PBX4: variants seen among roughly 807,000 people sequenced by gnomAD.
The protein encoded by PBX4 is pre-B-cell leukemia transcription factor 4.
A neutral mutation model predicts 35.1 loss-of-function variants in PBX4; 26 were observed. That is an observed-to-expected ratio of 0.74 (90% CI 0.54 to 1.03). The LOEUF (loss-of-function observed/expected upper bound fraction) is 1.03, where lower values mean the gene tolerates loss of function less well. Among genes scored for constraint, PBX4 ranks in the 50% least tolerant of loss-of-function variants. The pLI is 0.00. For missense variants in PBX4, 448 were observed against 504.3 expected (o/e 0.89, Z 1.07); for synonymous variants, 199 against 204.2 (o/e 0.97, Z 0.22).
rs1298774467 is a variant in PBX4, at chr19:19,563,182, T to A, written c.1032+327A>T. Among the ~76,000 whole-genome samples, 1 of 151,980 alleles carries A rather than the reference T, an allele frequency of 6.6e-6. No individual in the cohort carries two copies. Among genetic ancestry groups the A allele is most frequent in the Non-Finnish European group, 1.5e-5 (1 of 67,960 alleles). ...GCCTCCTCTGCTGGCTGCCTGCCCC[T>A]CCCTCTCGAGGGAAGGACACCATGT... On this transcript the variant is annotated intron_variant, in intron 7 of 7. Coordinates refer to ENST00000251203, the MANE Select transcript of PBX4 (RefSeq NM_025245.3). This position sits in a 1 kb window ranked among gnomAD's most constrained non-coding sequence, Gnocchi z 5.1.
chr19:19,609,039 C>A (rs2061647348), intron 1 of PBX4, among the ~76,000 whole-genome samples: 2 of 152,278 alleles, frequency 1.3e-5, no homozygotes, highest in South Asian at 4.1e-4. Context: ...TAAAAGTGTC[C>A]TGTAAAGCCC....
chr19:19,563,419 T>C lies in PBX4; in HGVS notation c.1032+90A>G. On this transcript the variant is annotated intron_variant, in intron 7 of 7. Transcript: ENST00000251203. This position sits in a 1 kb window ranked among gnomAD's most constrained non-coding sequence, Gnocchi z 5.1. ...TGGCTGCTGGGACCTCTGGGGAAGC[T>C]GCCCCAAGGCCGAGGGGTGGCTGAC... 9.4e-7 allele frequency: 1 copy of C among 1,064,990 alleles called. No individual in the cohort carries two copies. Among genetic ancestry groups the C allele is most frequent in the Non-Finnish European group, 1.3e-6 (1 of 746,902 alleles). The allele number at this position is 1,064,990 out of a possible 1,614,324, so 66.0% of individuals were successfully genotyped here.
At chr19:19,566,660 G>C (rs897267111) in intron 5 of PBX4, among the ~76,000 whole-genome samples, 3 of 150,064 alleles carry the variant, frequency 2.0e-5, no homozygotes, top group African/African-American at 7.4e-5. Flanking sequence ...CAGTAGCTGG[G>C]ACTACAGGCA....
chr19:19,569,690 AC>A (rs1352334118), intron 4 of PBX4, 106 bp from the exon 5 acceptor site: 1 of 1,420,928 alleles, frequency 7.0e-7, no homozygotes, highest in East Asian at 2.4e-5. Flanking sequence ...AACAGCAATC[AC>A]TTGAGGTCAG....
Position 19,603,307 on chromosome 19 carries a change from C to T in PBX4, c.120-3942G>A, listed in dbSNP as rs559567210. Among the ~76,000 whole-genome samples the T allele has an allele frequency of 7.2e-5, 11 of 152,018 alleles. No individual in the cohort carries two copies. The South Asian group carries it at 2.3e-3, about 32-fold the overall frequency. On this transcript the variant is annotated intron_variant, in intron 1 of 7. Coordinates refer to ENST00000251203, the MANE Select transcript of PBX4 (RefSeq NM_025245.3). ...AGGGTAAGTCAAAGGGGTTTTTTTT[C>T]TTTTTTTCTTTTTTTTCTTTTTGAG... is the stretch of plus-strand genomic sequence containing the variant.
At position 19,570,130 on chromosome 19, in the gene PBX4, C is replaced by A. The variant is rs372535392; in HGVS notation, c.611G>T (p.Arg204Leu). 1 of 1,608,884 alleles carries A rather than the reference C, an allele frequency of 6.2e-7. No individual in the cohort carries two copies. Among genetic ancestry groups the A allele is most frequent in the Non-Finnish European group, 8.5e-7 (1 of 1,176,950 alleles). Residue 204 changes from arginine to leucine, a missense_variant, in exon 4 of 8, where the codon CGT (arginine) becomes CTT (leucine). By Grantham distance (102) the Arg-to-Leu change is moderately radical. Transcript: ENST00000251203. ...TGACCTGGCATCGAGCAGCCGCGAA[C>A]GCAGGGTCATCACTGCCTCACAGGT... Reference protein sequence around the residue: ...QSTCEAVMTLRSRLLDARRKR... With the variant: ...QSTCEAVMTLLSRLLDARRKR...
chr19:19,595,004 G>A (rs566496801), intron 2 of PBX4, among the ~76,000 whole-genome samples: 39 of 152,314 alleles, frequency 2.6e-4, no homozygotes, highest in Non-Finnish European at 4.6e-4. Context: ...TTACAGGCGT[G>A]AGCCACCGCA....
At chr19:19,576,876 G>A (rs953394364) in intron 2 of PBX4, among the ~76,000 whole-genome samples, 1 of 152,038 alleles carries the variant, frequency 6.6e-6, no homozygotes, top group Non-Finnish European at 1.5e-5. Context: ...GCCTCCCAAA[G>A]TGCTTGGGAT....
intron 1 of PBX4, among the ~76,000 whole-genome samples, chr19:19,613,800 G>C (rs1237190463): frequency 6.6e-6 from 1 of 152,136 alleles, no homozygotes; most frequent in Admixed American, 6.6e-5. Context: ...CATTGATCCT[G>C]GCTCTGGGAA....
At chr19:19,579,702 T>G (rs1356250103) in intron 2 of PBX4, 1 of 152,330 alleles carries the variant, frequency 6.6e-6, no homozygotes, top group African/African-American at 2.4e-5. Flanking sequence ...TGGCTGTCAG[T>G]GGTCACTCCG....
intron 2 of PBX4, among the ~76,000 whole-genome samples, chr19:19,594,360 C>G (rs951569557): frequency 6.2e-4 from 93 of 150,634 alleles, no homozygotes; most frequent in Admixed American, 2.0e-4. Flanking sequence ...TGCGCCATTG[C>G]ACTCCAGCCT....
At chr19:19,612,563 C>T (rs1488012000) in intron 1 of PBX4, among the ~76,000 whole-genome samples, 1 of 152,094 alleles carries the variant, frequency 6.6e-6, no homozygotes, top group Non-Finnish European at 1.5e-5. Context: ...TACCAGGCTG[C>T]AGGGTTTACT....
intron 1 of PBX4, among the ~76,000 whole-genome samples, chr19:19,613,699 G>A (rs929513968): frequency 3.7e-4 from 56 of 152,248 alleles, no homozygotes; most frequent in African/African-American, 1.3e-3. Context: ...ATTCCTGGGT[G>A]TGTCAAAACC....
chr19:19,614,653 C>T (rs995675435), intron 1 of PBX4, among the ~76,000 whole-genome samples: 1 of 151,974 alleles, frequency 6.6e-6, no homozygotes, highest in Non-Finnish European at 1.5e-5. Context: ...GAGTATGAGA[C>T]TCCGTCTCAA....
At chr19:19,583,718 G>T (rs1258226632) in intron 2 of PBX4, among the ~76,000 whole-genome samples, 2 of 152,048 alleles carry the variant, frequency 1.3e-5, no homozygotes, top group Non-Finnish European at 2.9e-5. Context: ...GGAGGCTGGG[G>T]TTGGGGGGAA....
At chr19:19,586,765 A>G (rs1295694339) in intron 2 of PBX4, among the ~76,000 whole-genome samples, 2 of 151,656 alleles carry the variant, frequency 1.3e-5, no homozygotes, top group African/African-American at 2.4e-5. Flanking sequence ...CCCCATCTTT[A>G]CTAAAAATAC....
In PBX4 at chr19:19,565,094, G is replaced by T. The variant is rs945262517; in HGVS notation, c.769-5C>A. The T allele has an allele frequency of 1.2e-6, 2 of 1,613,952 alleles. No individual in the cohort carries two copies. The highest frequency in any genetic ancestry group is 1.7e-6 in the Non-Finnish European group (2 of 1,180,022). On this transcript the variant is annotated splice_polypyrimidine_tract_variant and splice_region_variant and intron_variant, in intron 5 of 7. Coordinates refer to ENST00000251203, the MANE Select transcript of PBX4 (RefSeq NM_025245.3). ...GTTGCCAAACCAGTTAGAGACCTGCGGACACACAGGAGTCACTGGAGGAGC... is the reference window on the plus strand; with the variant it reads ...GTTGCCAAACCAGTTAGAGACCTGCTGACACACAGGAGTCACTGGAGGAGC...
At chr19:19,573,100 G>A (rs2061395858) in intron 2 of PBX4, among the ~76,000 whole-genome samples, 1 of 151,920 alleles carries the variant, frequency 6.6e-6, no homozygotes, top group African/African-American at 2.4e-5. Context: ...GAGGTCAGGG[G>A]TTCGAGACCA....
chr19:19,562,163 G>T lies in PBX4; in HGVS notation c.1033-46C>A. On this transcript the variant is annotated intron_variant, in intron 7 of 7. Coordinates refer to ENST00000251203, the MANE Select transcript of PBX4 (RefSeq NM_025245.3). This position sits in a 1 kb window ranked among gnomAD's most constrained non-coding sequence, Gnocchi z 4.8. ...CATCAGAGTGGGTGGCCGTGAGACT[G>T]GTGACTACCCAGCCCACGTGCTGCA... 6.8e-7 allele frequency: 1 copy of T among 1,474,288 alleles called. No homozygotes were observed. Among genetic ancestry groups the T allele is most frequent in the Non-Finnish European group, 9.3e-7 (1 of 1,072,902 alleles). 91.3% of individuals were successfully genotyped at this position (1,474,288 alleles called of 1,614,324 possible). A position where few individuals can be genotyped will look rare whatever the true frequency, so the allele number is the denominator to read the frequency against.
Sources: gnomAD v4.1 joint callset for allele counts (sites outside exome capture counted in the v4.1 genomes callset) on GRCh38, gnomAD v4.1.1 for gene constraint, Gnocchi (gnomAD v3.1) non-coding constraint, MANE v1.5 for transcripts, NCBI Gene and HGNC (gene_info 2026-07-23, HGNC 2026-07-21) for gene names.